ADAMTS20: variants seen among roughly 807,000 people sequenced by gnomAD.
ADAMTS20 encodes A disintegrin and metalloproteinase with thrombospondin motifs 20.
In ADAMTS20, 225 loss-of-function variants were observed where a neutral mutation model predicts 260.1. The ratio of observed to expected loss-of-function variants is 0.87; its 90% CI spans 0.78 to 0.97. The LOEUF (loss-of-function observed/expected upper bound fraction) is 0.97, where lower values mean the gene tolerates loss of function less well. Ranked by LOEUF, ADAMTS20 falls within the 50% of genes least tolerant of loss-of-function variation. ADAMTS20 has a pLI of 0.00. For synonymous variants in ADAMTS20, 802 were observed against 769.5 expected (o/e 1.04, Z -0.70); for missense variants, 2,400 against 2,337.7 (o/e 1.03, Z -0.55).
chr12:43,400,776 G>A (rs918806888), intron 28 of ADAMTS20, among the ~76,000 whole-genome samples: 1 of 151,652 alleles, frequency 6.6e-6, no homozygotes. Flanking sequence ...TGACTACTTT[G>A]AGTATGTACA....
At chr12:43,400,634 A>T (rs1020187594) in intron 28 of ADAMTS20, among the ~76,000 whole-genome samples, 1 of 151,628 alleles carries the variant, frequency 6.6e-6, no homozygotes, top group African/African-American at 2.4e-5. Context: ...ACCGTTCCTG[A>T]CCATGTTATC....
intron 2 of ADAMTS20, among the ~76,000 whole-genome samples, chr12:43,535,583 T>C (rs1008953262): frequency 1.3e-5 from 2 of 152,188 alleles, no homozygotes; most frequent in Non-Finnish European, 2.9e-5. Context: ...ATGATGATGT[T>C]TGAAATATCT....
At chr12:43,498,858 A>C (rs757353556) in intron 4 of ADAMTS20, among the ~76,000 whole-genome samples, 6 of 152,140 alleles carry the variant, frequency 3.9e-5, no homozygotes, top group Non-Finnish European at 7.4e-5. Flanking sequence ...AAACAGGGAG[A>C]GTTTGTCACC....
intron 7 of ADAMTS20, among the ~76,000 whole-genome samples, chr12:43,470,597 G>T (rs879561699): frequency 7.2e-5 from 11 of 152,150 alleles, no homozygotes; most frequent in African/African-American, 2.7e-4. Flanking sequence ...GGCAGCATGG[G>T]CCCAAGCTTG....
intron 29 of ADAMTS20, among the ~76,000 whole-genome samples, chr12:43,390,640 G>GT (rs1301696145): frequency 2.6e-5 from 4 of 152,044 alleles, no homozygotes; most frequent in Admixed American, 6.5e-5. Flanking sequence ...TTTTTTGTTT[G>GT]TTTTTTGCCA....
intron 35 of ADAMTS20, 94 bp from the exon 36 acceptor site, chr12:43,375,606 C>T (rs1940209264): frequency 7.4e-7 from 1 of 1,344,766 alleles, no homozygotes; most frequent in African/African-American, 1.5e-5. Flanking sequence ...CACACTCCTG[C>T]TCTTTAATAT....
intron 4 of ADAMTS20, among the ~76,000 whole-genome samples, chr12:43,497,035 T>TAATA (rs1158318909): frequency 6.6e-6 from 1 of 152,196 alleles, no homozygotes; most frequent in Non-Finnish European, 1.5e-5. Context: ...AAAAGCCTTG[T>TAATA]AATATTTTCA....
At chr12:43,457,106 C>T (rs976379273) in intron 11 of ADAMTS20, among the ~76,000 whole-genome samples, 10 of 152,202 alleles carry the variant, frequency 6.6e-5, no homozygotes, top group Admixed American at 5.9e-4. Context: ...TCTCTGTCTT[C>T]CTTGACTTAT....
intron 28 of ADAMTS20, chr12:43,423,816 C>T (rs372913345): frequency 3.7e-5 from 26 of 705,376 alleles, no homozygotes; most frequent in Admixed American, 3.0e-4. Context: ...TGGTCAGTAA[C>T]GACATTTATT....
intron 7 of ADAMTS20, among the ~76,000 whole-genome samples, chr12:43,472,491 C>T (rs1363488026): frequency 7.4e-6 from 1 of 134,666 alleles, no homozygotes; most frequent in Non-Finnish European, 1.6e-5. Context: ...GAGAACGCCA[C>T]AAAGATACTC....
intron 29 of ADAMTS20, among the ~76,000 whole-genome samples, chr12:43,392,796 A>T (rs1331700194): frequency 1.3e-5 from 2 of 151,882 alleles, no homozygotes; most frequent in Non-Finnish European, 2.9e-5. Flanking sequence ...GTCTCCTCTT[A>T]CCTCTTGAAT....
chr12:43,372,266 A>G (rs984042793), intron 36 of ADAMTS20, among the ~76,000 whole-genome samples: 4 of 152,222 alleles, frequency 2.6e-5, no homozygotes, highest in Non-Finnish European at 5.9e-5. Flanking sequence ...CCAAGTCGAG[A>G]AACAGTGAGA....
rs1939697485 is a variant in ADAMTS20 at position 43,354,275 on chromosome 12, T to C, written c.5667A>G (p.Lys1889=). The change falls in exon 39 of 39, where the codon AAA becomes AAG. Residue 1889 remains lysine, a synonymous_variant. Transcript: ENST00000389420. ...GACACTTTCCACAGTACCCTCCACATTTGCCGAAAAATCTAGTTCCATCCT... is the reference window on the plus strand; with the variant it reads ...GACACTTTCCACAGTACCCTCCACACTTGCCGAAAAATCTAGTTCCATCCT... ...RSEDGTRFFG[K]CGGYCGKCLP... The C allele has an allele frequency of 1.9e-6, 3 of 1,591,322 alleles. No individual in the cohort carries two copies. Among genetic ancestry groups the C allele is most frequent in the Non-Finnish European group, 2.6e-6 (3 of 1,167,458 alleles).
At chr12:43,433,966 A>G (rs951955497) in intron 19 of ADAMTS20, among the ~76,000 whole-genome samples, 2 of 152,194 alleles carry the variant, frequency 1.3e-5, no homozygotes, top group Admixed American at 6.5e-5. Flanking sequence ...CCATTTTCAG[A>G]TAACAGTTTA....
chr12:43,406,287 G>C (rs1940918040), intron 28 of ADAMTS20, among the ~76,000 whole-genome samples: 1 of 151,994 alleles, frequency 6.6e-6, no homozygotes, highest in Admixed American at 6.6e-5. Flanking sequence ...TTCAACATTA[G>C]AGTATGTATT....
intron 4 of ADAMTS20, 96 bp from the exon 5 acceptor site, chr12:43,493,349 C>A: frequency 1.2e-6 from 1 of 831,460 alleles, no homozygotes; most frequent in Non-Finnish European, 1.9e-6. Context: ...TCTCTAATTG[C>A]ACTGCACGTA....
chr12:43,365,606 G>A (rs997470604), intron 37 of ADAMTS20, among the ~76,000 whole-genome samples: 16 of 151,964 alleles, frequency 1.1e-4, no homozygotes, highest in Non-Finnish European at 1.8e-4. Context: ...GAAGGTTTAC[G>A]TAACAAACTC....
At position 43,547,972 on chromosome 12, in the gene ADAMTS20, C is replaced by G. The variant is rs572903612; in HGVS notation, c.453+2937G>C. Among the ~76,000 whole-genome samples the G allele has an allele frequency of 3.3e-5, 5 of 152,232 alleles. No individual in the cohort carries two copies. The East Asian group carries it at 7.7e-4, about 23-fold the overall frequency. On this transcript the variant is annotated intron_variant, in intron 2 of 38. Coordinates refer to ENST00000389420, the MANE Select transcript of ADAMTS20 (RefSeq NM_025003.5). ...CTGAAGGACGGTACAATTTCCTCACCCCTCTCCCAAACAATACAAAGACCT... is the reference window on the plus strand; with the variant it reads ...CTGAAGGACGGTACAATTTCCTCACGCCTCTCCCAAACAATACAAAGACCT...
At chr12:43,373,743 G>C (rs1331527359) in intron 36 of ADAMTS20, among the ~76,000 whole-genome samples, 3 of 131,980 alleles carry the variant, frequency 2.3e-5, no homozygotes, top group African/African-American at 5.8e-5. Flanking sequence ...GCAGTGGCGC[G>C]ATCTCGGCTC....
Sources: allele counts gnomAD v4.1 joint callset (sites outside exome capture counted in the v4.1 genomes callset), GRCh38; gene constraint gnomAD v4.1.1; transcripts MANE v1.5; gene names NCBI Gene and HGNC (gene_info 2026-07-23, HGNC 2026-07-21).